The following PCDHA11 variants were observed in gnomAD, a reference collection of about 807,000 sequenced individuals.
The protein encoded by PCDHA11 is protocadherin alpha-11.
In PCDHA11, 61 loss-of-function variants were observed where a neutral mutation model predicts 70.3. The ratio of observed to expected loss-of-function variants is 0.87; its 90% CI spans 0.71 to 1.07. The LOEUF is 1.07. Ranked by LOEUF, PCDHA11 falls within the 50% of genes least tolerant of loss-of-function variation. The pLI is 0.00. For missense variants in PCDHA11, 1,324 were observed against 1,237.5 expected (o/e 1.07, Z -1.05); for synonymous variants, 633 against 555.1 (o/e 1.14, Z -1.97).
intron 3 of PCDHA11, among the ~76,000 whole-genome samples, chr5:140,998,727 G>T (rs2097831761): frequency 6.6e-6 from 1 of 152,076 alleles, no homozygotes; most frequent in African/African-American, 2.4e-5. Flanking sequence ...ACCACGCTAG[G>T]CTAATTTTGT....
chr5:140,916,743 G>C (rs1355752854), intron 1 of PCDHA11, among the ~76,000 whole-genome samples: 1 of 152,156 alleles, frequency 6.6e-6, no homozygotes, highest in African/African-American at 2.4e-5. Context: ...AAGCTTCACT[G>C]CCTGGGATTA....
In PCDHA11 at chr5:140,915,632, C is replaced by CTCTG. The variant is rs1161142039; in HGVS notation, c.2391+44141_2391+44142insGTCT. 3.9e-3 allele frequency among the ~76,000 whole-genome samples: 565 copies of CTCTG among 144,610 alleles called. 2 individuals are homozygous for CTCTG. Among genetic ancestry groups the CTCTG allele is most frequent in the African/African-American group, 0.016 (538 of 34,672 alleles). 94.9% of individuals were successfully genotyped at this position (144,610 alleles called of 152,430 possible). A position where few individuals can be genotyped will look rare whatever the true frequency, so the allele number is the denominator to read the frequency against. On this transcript the variant is annotated intron_variant, in intron 1 of 3. Coordinates refer to ENST00000398640, the MANE Select transcript of PCDHA11 (RefSeq NM_018902.5). ...TGTCAAACAGTCTCTTTCTGTCTCT[C>CTCTG]TCTCTCTCTCTCTCTCTCTCTCTCA...
chr5:140,964,759 G>T (rs1419505922), intron 1 of PCDHA11, among the ~76,000 whole-genome samples: 6 of 151,804 alleles, frequency 4.0e-5, no homozygotes, highest in Non-Finnish European at 7.4e-5. Context: ...GATGTTTGGG[G>T]AGGATGCAGA....
At chr5:140,963,421 T>C (rs1554226598) in intron 1 of PCDHA11, among the ~76,000 whole-genome samples, 2 of 152,252 alleles carry the variant, frequency 1.3e-5, no homozygotes, top group African/African-American at 4.8e-5. Flanking sequence ...ACAGCATGTT[T>C]AGGAACTAAC....
chr5:140,983,101 C>T (rs1047738074), intron 3 of PCDHA11, among the ~76,000 whole-genome samples: 2 of 152,228 alleles, frequency 1.3e-5, no homozygotes, highest in African/African-American at 4.8e-5. Flanking sequence ...ATCTGCTTCT[C>T]TCTGCACATC....
At chr5:140,872,402 G>A (rs1272057866) in intron 1 of PCDHA11, among the ~76,000 whole-genome samples, 3 of 152,128 alleles carry the variant, frequency 2.0e-5, no homozygotes, top group African/African-American at 7.2e-5. Flanking sequence ...TGAGGCAGGA[G>A]AATTGCTTGA....
chr5:140,888,802 AGTGATCT>A (rs1418023292), intron 1 of PCDHA11, among the ~76,000 whole-genome samples: 2 of 152,088 alleles, frequency 1.3e-5, no homozygotes, highest in African/African-American at 4.8e-5. Flanking sequence ...GAGGTTGATC[AGTGATCT>A]GTGATCTGTG....
chr5:140,973,391 A>G (rs1466546487), intron 1 of PCDHA11, among the ~76,000 whole-genome samples: 1 of 152,232 alleles, frequency 6.6e-6, no homozygotes, highest in East Asian at 1.9e-4. Context: ...AGACAAAGAA[A>G]TCATATCTAT....
chr5:141,006,769 A>G (rs575481848), intron 3 of PCDHA11, among the ~76,000 whole-genome samples: 1 of 152,208 alleles, frequency 6.6e-6, no homozygotes, highest in Non-Finnish European at 1.5e-5. Flanking sequence ...AGAATAGAAT[A>G]GAGAAAAATG....
At chr5:140,968,017 C>T (rs782195997) in intron 1 of PCDHA11, 2 of 1,614,216 alleles carry the variant, frequency 1.2e-6, no homozygotes, top group East Asian at 2.2e-5. Context: ...GCTTTGGAAA[C>T]TCCTATACAC....
chr5:140,892,012 G>A (rs1032416226), intron 1 of PCDHA11, among the ~76,000 whole-genome samples: 9 of 152,176 alleles, frequency 5.9e-5, no homozygotes, highest in Admixed American at 5.9e-4. Context: ...TGTTATAGCA[G>A]CACAAATGGT....
In PCDHA11 at chr5:140,869,442, G is replaced by A. The variant is rs782686984; in HGVS notation, c.339G>A (p.Pro113=). Residue 113 remains proline (P), a synonymous_variant, in exon 1 of 4, where the codon CCG becomes CCA. Coordinates refer to ENST00000398640, the MANE Select transcript of PCDHA11 (RefSeq NM_018902.5). ...SIHLEVIVDR[P]LQVFHVNVEV... is the part of the protein sequence containing the mutation. ...ACCTGGAGGTGATCGTGGACAGGCC[G>A]CTGCAGGTTTTCCATGTGAACGTGG... 3 of 1,614,208 alleles carry A rather than the reference G, an allele frequency of 1.9e-6. No individual in the cohort carries two copies. Among genetic ancestry groups the A allele is most frequent in the African/African-American group, 1.3e-5 (1 of 75,066 alleles).
chr5:140,968,405 G>A, intron 1 of PCDHA11: 1 of 1,614,002 alleles, frequency 6.2e-7, no homozygotes, highest in Non-Finnish European at 8.5e-7. Flanking sequence ...GGAGTTCTTT[G>A]TGACTGTGGA....
intron 1 of PCDHA11, among the ~76,000 whole-genome samples, chr5:140,943,121 G>A (rs1225385839): frequency 3.3e-5 from 5 of 151,916 alleles, no homozygotes; most frequent in African/African-American, 4.8e-5. Flanking sequence ...AGCCAGGTGT[G>A]GTAGTGGGTG....
At chr5:140,972,228 C>G (rs1295473743) in intron 1 of PCDHA11, among the ~76,000 whole-genome samples, 1 of 151,964 alleles carries the variant, frequency 6.6e-6, no homozygotes, top group Admixed American at 6.5e-5. Flanking sequence ...CAGCCTCGAC[C>G]TTCTGGGCTC....
intron 2 of PCDHA11, among the ~76,000 whole-genome samples, chr5:140,981,613 G>C (rs1279038280): frequency 6.6e-6 from 1 of 152,056 alleles, no homozygotes; most frequent in Non-Finnish European, 1.5e-5. Flanking sequence ...CTCTAATTTT[G>C]ATGAGGGTTT....
In PCDHA11 at chr5:140,876,702, C is replaced by A. The variant is rs1554168805; in HGVS notation, c.2391+5208C>A. 6.2e-7 allele frequency: 1 copy of A among 1,614,242 alleles called. No homozygotes were observed. Among genetic ancestry groups the A allele is most frequent in the Admixed American group, 1.7e-5 (1 of 60,028 alleles). The stretch of plus-strand genomic sequence containing the variant: ...AGAATTACTACTCGTTGGTGCTGGA[C>A]AGCGCCCTGGACCGCGAGAGCGTGT... On this transcript the variant is annotated intron_variant, in intron 1 of 3. Coordinates refer to ENST00000398640, the MANE Select transcript of PCDHA11 (RefSeq NM_018902.5).
intron 1 of PCDHA11, among the ~76,000 whole-genome samples, chr5:140,954,720 T>C (rs1255262640): frequency 1.3e-5 from 2 of 152,168 alleles, no homozygotes; most frequent in African/African-American, 4.8e-5. Context: ...ATTCTGTAGG[T>C]TGTCTTTTCA....
intron 1 of PCDHA11, chr5:140,967,975 T>C (rs781819149): frequency 3.2e-5 from 52 of 1,614,016 alleles, no homozygotes; most frequent in African/African-American, 5.3e-5. Context: ...TGAGCCTGGG[T>C]CTGGAGGCCA....
Sources: allele counts gnomAD v4.1 joint callset (sites outside exome capture counted in the v4.1 genomes callset), GRCh38; gene constraint gnomAD v4.1.1; transcripts MANE v1.5; gene names NCBI Gene and HGNC (gene_info 2026-07-23, HGNC 2026-07-21).